DENND1A: variants seen among roughly 807,000 people sequenced by gnomAD.
DENND1A encodes the protein DENN domain-containing protein 1A.
DENND1A carries 51 observed loss-of-function variants against 113.7 expected under a neutral mutation model. The ratio of observed to expected loss-of-function variants is 0.45; its 90% confidence interval spans 0.36 to 0.57. DENND1A has a LOEUF of 0.57. Ranked by LOEUF, DENND1A falls within the 20% of genes least tolerant of loss-of-function variation. The pLI is 0.00. For missense variants in DENND1A, 1,258 were observed against 1,395.9 expected, an observed-to-expected ratio of 0.90 and a Z score of 1.57; for synonymous variants, 565 against 570.8, an observed-to-expected ratio of 0.99 and a Z score of 0.14.
chr9:123,455,631 G>C (rs957349071), intron 15 of DENND1A, among the ~76,000 whole-genome samples: 3 of 152,216 alleles, frequency 2.0e-5, no homozygotes, highest in Non-Finnish European at 4.4e-5. Context: ...ACCAGAACAG[G>C]AACCCCCAGG....
At chr9:123,858,534 G>A (rs1049928406) in intron 2 of DENND1A, among the ~76,000 whole-genome samples, 1 of 152,166 alleles carries the variant, frequency 6.6e-6, no homozygotes, top group Non-Finnish European at 1.5e-5. Context: ...AGAAGGAACA[G>A]TTTAGGATTA....
At chr9:123,535,983 G>A (rs2055731762) in intron 13 of DENND1A, among the ~76,000 whole-genome samples, 1 of 152,200 alleles carries the variant, frequency 6.6e-6, no homozygotes, top group African/African-American at 2.4e-5. Context: ...GGTAGCAGCA[G>A]TGGTAGTATA....
chr9:123,863,817 A>T (rs938187923), intron 2 of DENND1A, among the ~76,000 whole-genome samples: 5 of 152,200 alleles, frequency 3.3e-5, no homozygotes, highest in African/African-American at 1.2e-4. Context: ...AAGCTTAAAC[A>T]TGCTATGTCC....
At chr9:123,559,792 C>T (rs1371535545) in intron 12 of DENND1A, among the ~76,000 whole-genome samples, 3 of 152,136 alleles carry the variant, frequency 2.0e-5, no homozygotes, top group South Asian at 2.1e-4. Context: ...TTATTACCCC[C>T]GAAAGAAACC....
chr9:123,680,570 A>G (rs1274713247), intron 5 of DENND1A, among the ~76,000 whole-genome samples: 1 of 152,184 alleles, frequency 6.6e-6, no homozygotes, highest in African/African-American at 2.4e-5. Flanking sequence ...TCCTGCATCT[A>G]AATCTGTCGA....
intron 13 of DENND1A, among the ~76,000 whole-genome samples, chr9:123,495,854 T>A (rs2134096761): frequency 6.6e-6 from 1 of 152,382 alleles, no homozygotes; most frequent in East Asian, 1.9e-4. Context: ...CCATTGTTCC[T>A]TAGCGGTATA....
intron 12 of DENND1A, among the ~76,000 whole-genome samples, chr9:123,567,230 G>A (rs947674259): frequency 3.3e-5 from 5 of 152,166 alleles, no homozygotes; most frequent in Non-Finnish European, 5.9e-5. Context: ...GCAGTGCCGC[G>A]TAATGAAATG....
intron 22 of DENND1A, 74 bp from the exon 23 acceptor site, chr9:123,383,987 C>CA: frequency 6.4e-7 from 1 of 1,551,142 alleles, no homozygotes; most frequent in African/African-American, 1.3e-5. Flanking sequence ...CCAGCCCAAG[C>CA]ACATTGAGGG....
At chr9:123,717,169 T>C (rs551662899) in intron 5 of DENND1A, among the ~76,000 whole-genome samples, 1 of 152,224 alleles carries the variant, frequency 6.6e-6, no homozygotes, top group African/African-American at 2.4e-5. Flanking sequence ...GTCAGATAGT[T>C]GGCAAGTGAC....
chr9:123,884,664 A>G (rs1848760769), intron 1 of DENND1A, among the ~76,000 whole-genome samples: 1 of 152,098 alleles, frequency 6.6e-6, no homozygotes, highest in African/African-American at 2.4e-5. Flanking sequence ...ACTGCTTCCT[A>G]TGTGCCAGCC....
chr9:123,875,168 C>A (rs1402436750), intron 2 of DENND1A, among the ~76,000 whole-genome samples: 1 of 152,098 alleles, frequency 6.6e-6, no homozygotes, highest in Non-Finnish European at 1.5e-5. Flanking sequence ...CAGAAGGCGG[C>A]ACAATTCAAT....
At chr9:123,697,858 A>G (rs1160808864) in intron 5 of DENND1A, among the ~76,000 whole-genome samples, 1 of 152,202 alleles carries the variant, frequency 6.6e-6, no homozygotes, top group Non-Finnish European at 1.5e-5. Context: ...ATAAGCCTTT[A>G]ACATGGAAAT....
intron 5 of DENND1A, among the ~76,000 whole-genome samples, chr9:123,711,492 T>C (rs557930974): frequency 1.0e-5 from 1 of 96,170 alleles, no homozygotes; most frequent in African/African-American, 4.5e-5. Flanking sequence ...AAAAAATATA[T>C]ATATATATAT....
At chr9:123,386,381 C>CTT (rs34797849) in intron 22 of DENND1A, among the ~76,000 whole-genome samples, 74,305 of 134,702 alleles carry the variant, frequency 0.55, 20,982 homozygotes, top group Non-Finnish European at 0.65. Context: ...TCTTTTCTTT[C>CTT]TTTTTTTTTT....
At chr9:123,591,112 G>T (rs1230917795) in intron 11 of DENND1A, among the ~76,000 whole-genome samples, 1 of 152,190 alleles carries the variant, frequency 6.6e-6, no homozygotes, top group African/African-American at 2.4e-5. Context: ...GGGTCTGTTT[G>T]ATAAACACTC....
At chr9:123,429,172 G>A (rs2045954746) in intron 19 of DENND1A, among the ~76,000 whole-genome samples, 1 of 152,162 alleles carries the variant, frequency 6.6e-6, no homozygotes, top group South Asian at 2.1e-4. Context: ...AAACAGCATG[G>A]TACTTGTACA....
At position 123,612,130 on chromosome 9, in the gene DENND1A, T is replaced by C. The variant is rs115120477; in HGVS notation, c.720-2649A>G. Among the ~76,000 whole-genome samples, 789 of 152,314 alleles carry C rather than the reference T, an allele frequency of 5.2e-3. 6 individuals carry two copies. The highest frequency in any genetic ancestry group is 0.018 in the African/African-American group (751 of 41,562). ...CAAATTTGGACAAATACCTTTTACATTGTCATCATTTACGTATCAAGCCTC... is the reference window on the plus strand; with the variant it reads ...CAAATTTGGACAAATACCTTTTACACTGTCATCATTTACGTATCAAGCCTC... On this transcript the variant is annotated intron_variant, in intron 10 of 23. Coordinates refer to ENST00000394215, the MANE Select transcript of DENND1A (RefSeq NM_001352964.2).
chr9:123,563,251 A>G (rs1175302511), intron 12 of DENND1A, among the ~76,000 whole-genome samples: 2 of 152,140 alleles, frequency 1.3e-5, no homozygotes, highest in Non-Finnish European at 1.5e-5. Context: ...TAACACACAC[A>G]GTATTGCCCC....
intron 2 of DENND1A, among the ~76,000 whole-genome samples, chr9:123,822,457 T>C (rs1331219459): frequency 6.6e-6 from 1 of 152,132 alleles, no homozygotes; most frequent in East Asian, 1.9e-4. Context: ...AGGGGGGAAA[T>C]TAGTAATCAC....
Sources: allele counts gnomAD v4.1 joint callset (sites outside exome capture counted in the v4.1 genomes callset), GRCh38; gene constraint gnomAD v4.1.1; transcripts MANE v1.5; gene names NCBI Gene and HGNC (gene_info 2026-07-23, HGNC 2026-07-21).